Variants in RBFOX1 observed in about 807,000 individuals in gnomAD.
The protein encoded by RBFOX1 is RNA binding protein fox-1 homolog 1.
A neutral mutation model predicts 57.7 loss-of-function variants in RBFOX1; 8 were observed. That is an observed-to-expected ratio of 0.14 (90% CI 0.08 to 0.25). The LOEUF (loss-of-function observed/expected upper bound fraction) is 0.25. RBFOX1 is among the 10% of genes least tolerant of loss of function. RBFOX1 has a pLI of 1.00. For synonymous variants in RBFOX1, 326 were observed against 222.4 expected (o/e 1.47, Z -4.15); for missense variants, 611 against 548.5 (o/e 1.11, Z -1.14).
chr16:5,535,085 G>A (rs954400850), intron 2 of RBFOX1, among the ~76,000 whole-genome samples: 2 of 152,304 alleles, frequency 1.3e-5, no homozygotes, highest in East Asian at 3.9e-4. Flanking sequence ...AAATGTTATA[G>A]AGGTGCATTG....
At chr16:5,343,756 G>A (rs1369502145) in intron 1 of RBFOX1, among the ~76,000 whole-genome samples, 2 of 152,268 alleles carry the variant, frequency 1.3e-5, no homozygotes, top group Admixed American at 1.3e-4. Context: ...ACAATATCAG[G>A]AGGATTATTT....
chr16:6,833,301 G>A (rs1012183765), intron 3 of RBFOX1, among the ~76,000 whole-genome samples: 12 of 151,952 alleles, frequency 7.9e-5, no homozygotes, highest in Non-Finnish European at 1.6e-4. Context: ...GAGTACCTGC[G>A]ACTATAGGCT....
chr16:5,467,180 C>A lies in RBFOX1; in HGVS notation c.220-36C>A, dbSNP rs962637885. The A allele has an allele frequency of 4.9e-6, 7 of 1,437,768 alleles. No individual in the cohort carries two copies. In the East Asian group the frequency reaches 1.3e-4, roughly 26 times the overall value. The allele number at this position is 1,437,768 out of a possible 1,614,324, so 89.1% of individuals were successfully genotyped here. On this transcript the variant is annotated intron_variant, in intron 1 of 2. Transcript: ENST00000585867. ...AATGTAGACTCAATGTTTCTTCTCT[C>A]TCTCTCTCTCTCTCTCTTTTTTTTT...
At chr16:7,692,882 TTTTC>T (rs1302126876) in intron 14 of RBFOX1, among the ~76,000 whole-genome samples, 4 of 101,144 alleles carry the variant, frequency 4.0e-5, no homozygotes, top group Non-Finnish European at 9.0e-5. Flanking sequence ...TGACAGCACT[TTTTC>T]TTATTTTTTT....
chr16:7,289,485 T>A (rs2095717179), intron 4 of RBFOX1, among the ~76,000 whole-genome samples: 1 of 151,694 alleles, frequency 6.6e-6, no homozygotes, highest in South Asian at 2.1e-4. Flanking sequence ...CCATTATGAT[T>A]ATCATCATCG....
At chr16:5,546,637 A>G (rs548054160) in intron 2 of RBFOX1, among the ~76,000 whole-genome samples, 5 of 152,288 alleles carry the variant, frequency 3.3e-5, no homozygotes, top group Non-Finnish European at 7.4e-5. Context: ...CAGATATACA[A>G]CCTAAATCTG....
intron 3 of RBFOX1, among the ~76,000 whole-genome samples, chr16:6,736,988 T>C (rs1373958929): frequency 6.6e-6 from 1 of 152,192 alleles, no homozygotes; most frequent in Non-Finnish European, 1.5e-5. Context: ...TATTCGCCAC[T>C]TATCCCTGAC....
At chr16:6,259,756 G>A (rs543299293) in intron 1 of RBFOX1, among the ~76,000 whole-genome samples, 15 of 152,120 alleles carry the variant, frequency 9.9e-5, no homozygotes, top group Admixed American at 9.8e-4. Flanking sequence ...TCAGGAGTTC[G>A]AGACCAGCCT....
chr16:5,571,215 CTTTTTTT>C (rs34409151), intron 2 of RBFOX1, among the ~76,000 whole-genome samples: 13 of 79,814 alleles, frequency 1.6e-4, no homozygotes, highest in Admixed American at 9.6e-4. Context: ...CCATCTTTGA[CTTTTTTT>C]TTTTTTTTTT....
chr16:5,665,772 CAG>C (rs1381995899), intron 3 of RBFOX1, among the ~76,000 whole-genome samples: 1 of 152,232 alleles, frequency 6.6e-6, no homozygotes, highest in Non-Finnish European at 1.5e-5. Context: ...CAGGCCCTCA[CAG>C]GGGGTTCGGG....
At chr16:7,099,959 G>A (rs114839000) in intron 4 of RBFOX1, among the ~76,000 whole-genome samples, 16 of 152,140 alleles carry the variant, frequency 1.1e-4, no homozygotes, top group African/African-American at 3.6e-4. Context: ...GGGGTATAAT[G>A]AGGCATGTTC....
chr16:7,512,780 G>A (rs866000306), intron 4 of RBFOX1, among the ~76,000 whole-genome samples: 5 of 152,366 alleles, frequency 3.3e-5, no homozygotes, highest in African/African-American at 1.2e-4. Context: ...CGTCAGGCTT[G>A]AGGTAGTGCA....
intron 4 of RBFOX1, among the ~76,000 whole-genome samples, chr16:7,424,649 T>C (rs1017691126): frequency 1.3e-5 from 2 of 152,234 alleles, no homozygotes; most frequent in African/African-American, 4.8e-5. Context: ...ATAATGCATT[T>C]ATTTTGTTTC....
chr16:7,187,730 A>T (rs1189852365), intron 4 of RBFOX1, among the ~76,000 whole-genome samples: 1 of 121,536 alleles, frequency 8.2e-6, no homozygotes, highest in African/African-American at 4.2e-5. Flanking sequence ...AAAAAAGGAA[A>T]AGAAAAGAAG....
intron 3 of RBFOX1, among the ~76,000 whole-genome samples, chr16:7,007,722 G>T (rs2093383398): frequency 6.6e-6 from 1 of 152,108 alleles, no homozygotes; most frequent in Non-Finnish European, 1.5e-5. Flanking sequence ...ACTATACAGG[G>T]TAAACTCCCA....
chr16:5,540,661 C>G (rs1003534117), intron 2 of RBFOX1, among the ~76,000 whole-genome samples: 7 of 152,106 alleles, frequency 4.6e-5, no homozygotes, highest in African/African-American at 1.4e-4. Context: ...GGTCTGATCT[C>G]AGATTTATTG....
At chr16:7,064,240 C>A (rs1598496436) in intron 4 of RBFOX1, among the ~76,000 whole-genome samples, 1 of 147,458 alleles carries the variant, frequency 6.8e-6, no homozygotes, top group Admixed American at 6.9e-5. Flanking sequence ...GTGATCTCTG[C>A]TCACTGCAAC....
chr16:5,485,050 C>G (rs2069678369), intron 2 of RBFOX1, among the ~76,000 whole-genome samples: 1 of 149,470 alleles, frequency 6.7e-6, no homozygotes, highest in South Asian at 2.1e-4. Context: ...GAGCCTGTCT[C>G]AGAAAAAAAG....
At chr16:7,632,083 A>AT (rs1235353450) in intron 11 of RBFOX1, among the ~76,000 whole-genome samples, 1 of 152,138 alleles carries the variant, frequency 6.6e-6, no homozygotes, top group South Asian at 2.1e-4. Flanking sequence ...TGATTTTTGT[A>AT]TTTTTAGCAG....
Sources: gnomAD v4.1 joint callset for allele counts (sites outside exome capture counted in the v4.1 genomes callset) on GRCh38, gnomAD v4.1.1 for gene constraint, MANE v1.5 for transcripts, NCBI Gene and HGNC (gene_info 2026-07-23, HGNC 2026-07-21) for gene names.